The following ARHGEF11 variants were observed in gnomAD, a reference collection of about 807,000 sequenced individuals.
ARHGEF11 encodes the protein Rho guanine nucleotide exchange factor 11, also known as Rho guanine exchange factor (GEF) 11.
ARHGEF11 carries 55 observed loss-of-function variants against 193.7 expected under a neutral mutation model. The ratio of observed to expected loss-of-function variants is 0.28; its 90% CI spans 0.23 to 0.36. The LOEUF (loss-of-function observed/expected upper bound fraction) is 0.36, where lower values mean the gene tolerates loss of function less well. Among genes scored for constraint, ARHGEF11 ranks in the 10% least tolerant of loss-of-function variants. The pLI is 1.00. For synonymous variants in ARHGEF11, 693 were observed against 768.0 expected (o/e 0.90, Z 1.62); for missense variants, 1,723 against 2,005.6 (o/e 0.86, Z 2.69).
At chr1:157,040,721 G>C (rs1414926604) in intron 1 of ARHGEF11, among the ~76,000 whole-genome samples, 1 of 151,968 alleles carries the variant, frequency 6.6e-6, no homozygotes, top group African/African-American at 2.4e-5. Context: ...TTTTGTTTTG[G>C]GATACTTAGC....
intron 1 of ARHGEF11, among the ~76,000 whole-genome samples, chr1:157,022,267 C>T (rs1487614759): frequency 6.6e-6 from 1 of 152,074 alleles, no homozygotes; most frequent in Non-Finnish European, 1.5e-5. Context: ...AATGATCTTG[C>T]ATAGAGAAAA....
chr1:156,936,515 TATATATATATAAA>T (rs1655339540), intron 40 of ARHGEF11, among the ~76,000 whole-genome samples: 1 of 127,374 alleles, frequency 7.9e-6, no homozygotes, highest in African/African-American at 3.3e-5. Context: ...TATATATATA[TATATATATATAAA>T]ATTAAAAAAA....
intron 1 of ARHGEF11, among the ~76,000 whole-genome samples, chr1:157,022,769 C>T (rs1441636960): frequency 1.3e-5 from 2 of 151,898 alleles, no homozygotes; most frequent in East Asian, 1.9e-4. Flanking sequence ...ATTTCAAAAC[C>T]TATTACCAAG....
chr1:157,019,848 G>C (rs1290750572), intron 1 of ARHGEF11, among the ~76,000 whole-genome samples: 1 of 152,168 alleles, frequency 6.6e-6, no homozygotes, highest in African/African-American at 2.4e-5. Flanking sequence ...AGTTGCCTAG[G>C]GAAGGGAGAG....
At position 156,951,603 on chromosome 1, in the gene ARHGEF11, C is replaced by A; in HGVS notation, c.1895G>T (p.Ser632Ile). ...EPGTQRLSTG[S>I]FPEDLLESDS... The stretch of plus-strand genomic sequence containing the variant: ...ACTCTCCAGCAGGTCCTCAGGAAAG[C>A]TTCCGGTCGAGAGTCGTTGTGTCCC... The change falls in exon 22 of 41, where the codon AGC (serine) becomes ATC (isoleucine). Residue 632 changes from serine (S) to isoleucine (I), a missense_variant. Physicochemically the swap from Ser to Ile is moderately radical, Grantham distance 142 (BLOSUM62 -2). Coordinates refer to ENST00000368194, the MANE Select transcript of ARHGEF11 (RefSeq NM_198236.3). The A allele has an allele frequency of 1.9e-6, 3 of 1,614,192 alleles. No homozygotes were observed. The highest frequency in any genetic ancestry group is 1.7e-6 in the Non-Finnish European group (2 of 1,180,046).
chr1:157,023,894 C>T (rs1438822760), intron 1 of ARHGEF11, among the ~76,000 whole-genome samples: 11 of 152,050 alleles, frequency 7.2e-5, no homozygotes, highest in Non-Finnish European at 1.3e-4. Flanking sequence ...CCTTAACATG[C>T]TAAACACAGA....
intron 1 of ARHGEF11, among the ~76,000 whole-genome samples, chr1:157,024,174 G>C (rs1670353749): frequency 6.6e-6 from 1 of 152,202 alleles, no homozygotes; most frequent in Non-Finnish European, 1.5e-5. Context: ...AAAGAAGCCA[G>C]ATACAAATGA....
In ARHGEF11 at chr1:156,935,887, T is replaced by A. The variant is rs1342135687; in HGVS notation, c.*113A>T. ...GGCCTTGGCTGGATCCTAGTTTCCC[T>A]AACTGCCTCCTCCACAGGGAGGAGT... On this transcript the variant is annotated 3_prime_UTR_variant, in exon 41 of 41. Transcript: ENST00000368194. 5.6e-6 allele frequency: 7 copies of A among 1,260,938 alleles called. No individual in the cohort carries two copies. The highest frequency in any genetic ancestry group is 7.7e-6 in the Non-Finnish European group (7 of 913,942). The allele number at this position is 1,260,938 out of a possible 1,614,324, so 78.1% of individuals were successfully genotyped here. A position where few individuals can be genotyped will look rare whatever the true frequency, so the allele number is the denominator to read the frequency against.
At chr1:156,945,227 G>A (rs1167926901) in intron 29 of ARHGEF11, 30 bp from the exon 30 acceptor site, 1 of 1,602,112 alleles carries the variant, frequency 6.2e-7, no homozygotes, top group South Asian at 1.1e-5. Context: ...AGATGGTTGG[G>A]GCTCCTGCCT....
intron 1 of ARHGEF11, among the ~76,000 whole-genome samples, chr1:157,026,253 C>T (rs1200357743): frequency 6.6e-6 from 1 of 152,180 alleles, no homozygotes; most frequent in African/African-American, 2.4e-5. Context: ...CTTTTCTCTA[C>T]CTTCTGTAGC....
At chr1:157,030,929 G>T (rs987024459) in intron 1 of ARHGEF11, among the ~76,000 whole-genome samples, 1 of 151,884 alleles carries the variant, frequency 6.6e-6, no homozygotes, top group African/African-American at 2.4e-5. Context: ...CTCTTGCCAT[G>T]AATTATGCCC....
At chr1:156,965,478 A>G (rs977687532) in intron 11 of ARHGEF11, among the ~76,000 whole-genome samples, 5 of 152,178 alleles carry the variant, frequency 3.3e-5, no homozygotes, top group African/African-American at 9.7e-5. Flanking sequence ...TCTAATGGCC[A>G]ACTTTTTTCC....
intron 1 of ARHGEF11, among the ~76,000 whole-genome samples, chr1:157,002,435 C>T (rs1389614889): frequency 6.6e-6 from 1 of 152,180 alleles, no homozygotes; most frequent in Non-Finnish European, 1.5e-5. Flanking sequence ...CCAAACAGCC[C>T]AACCTTGCCC....
chr1:156,939,451 C>T (rs1332037022), intron 37 of ARHGEF11, 97 bp downstream of exon 37: 1 of 1,557,110 alleles, frequency 6.4e-7, no homozygotes, highest in Admixed American at 1.7e-5. Context: ...TCACACGGTA[C>T]CCAGGGGGAG....
At chr1:156,979,511 C>A (rs897207262) in intron 4 of ARHGEF11, among the ~76,000 whole-genome samples, 1 of 151,908 alleles carries the variant, frequency 6.6e-6, no homozygotes, top group Non-Finnish European at 1.5e-5. Flanking sequence ...ACTACAGGCG[C>A]CAGCCACCAC....
intron 1 of ARHGEF11, among the ~76,000 whole-genome samples, chr1:157,013,887 C>T (rs996174266): frequency 2.0e-5 from 3 of 152,194 alleles, no homozygotes; most frequent in Non-Finnish European, 4.4e-5. Flanking sequence ...TGATCACCTA[C>T]GGCAGCAGTC....
intron 1 of ARHGEF11, among the ~76,000 whole-genome samples, chr1:157,036,158 TGA>T (rs1491259511): frequency 2.1e-5 from 3 of 142,716 alleles, no homozygotes; most frequent in African/African-American, 7.6e-5. Flanking sequence ...AATACATATA[TGA>T]ATATATATAT....
intron 7 of ARHGEF11, among the ~76,000 whole-genome samples, chr1:156,975,692 G>A (rs1221255814): frequency 6.6e-6 from 1 of 152,172 alleles, no homozygotes; most frequent in Non-Finnish European, 1.5e-5. Context: ...TTTAAAAATA[G>A]TTTTGGCTCT....
Position 156,939,916 on chromosome 1 carries a change from G to A in ARHGEF11, c.3734-6C>T. ...CAGATGTCGCAGGTTCTCCACTGGA[G>A]GGGAAACAGGGTGATGTCTTCCCAG... On this transcript the variant is annotated splice_region_variant and splice_polypyrimidine_tract_variant and intron_variant, in intron 36 of 40. Coordinates refer to ENST00000368194, the MANE Select transcript of ARHGEF11 (RefSeq NM_198236.3). The A allele has an allele frequency of 6.3e-7, 1 of 1,599,934 alleles. No individual in the cohort carries two copies. Among genetic ancestry groups the A allele is most frequent in the Non-Finnish European group, 8.5e-7 (1 of 1,179,166 alleles).
Sources: allele counts gnomAD v4.1 joint callset (sites outside exome capture counted in the v4.1 genomes callset), GRCh38; gene constraint gnomAD v4.1.1; transcripts MANE v1.5; gene names NCBI Gene and HGNC (gene_info 2026-07-23, HGNC 2026-07-21).